HAUS6: variants seen among roughly 807,000 people sequenced by gnomAD.
HAUS6 encodes the protein HAUS augmin like complex subunit 6.
Under a neutral mutation model 106.8 loss-of-function variants are expected in HAUS6, and 80 were observed. The ratio of observed to expected loss-of-function variants is 0.75; its 90% CI spans 0.63 to 0.90. The LOEUF (loss-of-function observed/expected upper bound fraction) is 0.90, where lower values mean the gene tolerates loss of function less well. Ranked by LOEUF, HAUS6 falls within the 40% of genes least tolerant of loss-of-function variation. The pLI is 0.00. For missense variants in HAUS6, 1,155 were observed against 1,118.1 expected (o/e 1.03, Z -0.47); for synonymous variants, 356 against 379.1 (o/e 0.94, Z 0.71).
chr9:19,090,321 T>C (rs768866394), intron 4 of HAUS6, among the ~76,000 whole-genome samples: 1 of 152,186 alleles, frequency 6.6e-6, no homozygotes, highest in African/African-American at 2.4e-5. Flanking sequence ...TATTTATAGA[T>C]ACCTCAAATT....
chr9:19,075,148 T>A (rs1836966892), intron 11 of HAUS6, among the ~76,000 whole-genome samples: 1 of 152,326 alleles, frequency 6.6e-6, no homozygotes, highest in South Asian at 2.1e-4. Context: ...AAAGTCTATA[T>A]ATGATATGAT....
rs373655058 is a variant in HAUS6, at chr9:19,089,478, C to T, written c.518G>A (p.Arg173His). The T allele has an allele frequency of 1.7e-5, 27 of 1,611,354 alleles. No individual in the cohort carries two copies. The highest frequency in any genetic ancestry group is 1.0e-4 in the Admixed American group (6 of 59,976). ...HKCIARCHFA[R>H]SRFLQILQRQ... is the part of the protein sequence containing the mutation. ...TTGCAAAATTTGTAAAAATCTGCTACGTGCGAAATGGCATCTGGCAATGCA... is the reference window on the plus strand; with the variant it reads ...TTGCAAAATTTGTAAAAATCTGCTATGTGCGAAATGGCATCTGGCAATGCA... Residue 173 changes from arginine to histidine, a missense_variant, in exon 5 of 17, where the codon CGT becomes CAT. Coordinates refer to ENST00000380502, the MANE Select transcript of HAUS6 (RefSeq NM_017645.5).
At chr9:19,090,020 G>A (rs1817711587) in intron 4 of HAUS6, among the ~76,000 whole-genome samples, 1 of 151,468 alleles carries the variant, frequency 6.6e-6, no homozygotes, top group South Asian at 2.1e-4. Flanking sequence ...ATTATTTTTT[G>A]TAGAGACTGG....
Position 19,080,558 on chromosome 9 carries a change from T to C in HAUS6, c.985A>G (p.Arg329Gly), listed in dbSNP as rs1194266112. 6.2e-7 allele frequency: 1 copy of C among 1,606,408 alleles called. No homozygotes were observed. The highest frequency in any genetic ancestry group is 8.5e-7 in the Non-Finnish European group (1 of 1,174,244). The change falls in exon 9 of 17, where the codon AGA (arginine) becomes GGA (glycine). Residue 329 changes from arginine (R) to glycine (G), a missense_variant. Arg to Gly is a moderately radical substitution (Grantham distance 125). Around this residue, in one of 3 missense-constraint regions of HAUS6, gnomAD observed 761 missense variants for 690.0 expected, o/e 1.10. Coordinates refer to ENST00000380502, the MANE Select transcript of HAUS6 (RefSeq NM_017645.5). ...KYERCQADQA[R>G]LTVDLHYLEK... ...AGGTAGTGAAGGTCTACCGTCAATC[T>C]TGCTTGATCAGCCTGACAACGTTCA...
intron 10 of HAUS6, 137 bp from the exon 11 acceptor site, chr9:19,076,841 T>A (rs1402323609): frequency 1.7e-6 from 1 of 580,840 alleles, no homozygotes; most frequent in Non-Finnish European, 3.1e-6. Context: ...GATAACTATT[T>A]TTATTTATTT....
intron 12 of HAUS6, among the ~76,000 whole-genome samples, chr9:19,067,431 A>G (rs1836785809): frequency 6.6e-6 from 1 of 152,204 alleles, no homozygotes; most frequent in African/African-American, 2.4e-5. Context: ...AATCTTTTAT[A>G]TCCCATTAAC....
At chr9:19,097,305 G>T (rs1156250897) in intron 1 of HAUS6, among the ~76,000 whole-genome samples, 2 of 152,154 alleles carry the variant, frequency 1.3e-5, no homozygotes, top group African/African-American at 2.4e-5. Flanking sequence ...CCATCAGAGT[G>T]AACAGGCAAC....
At chr9:19,066,234 C>T (rs574986390) in intron 12 of HAUS6, among the ~76,000 whole-genome samples, 1 of 151,986 alleles carries the variant, frequency 6.6e-6, no homozygotes, top group African/African-American at 2.4e-5. Context: ...CCATGCCCAG[C>T]TAGAGCTAAA....
rs749728750 is a variant in HAUS6 at position 19,089,455 on chromosome 9, G to T, written c.541C>A (p.Gln181Lys). ...FARSRFLQIL[Q>K]RQDCVTQKYQ... The stretch of plus-strand genomic sequence containing the variant: ...TTTTGGGTAACACAATCTTGTCTTT[G>T]CAAAATTTGTAAAAATCTGCTACGT... Residue 181 changes from glutamine to lysine, a missense_variant, in exon 5 of 17, where the codon CAA (glutamine) becomes AAA (lysine). By Grantham distance (53) the Gln-to-Lys change is moderately conservative (BLOSUM62 1). Coordinates refer to ENST00000380502, the MANE Select transcript of HAUS6 (RefSeq NM_017645.5). 1.9e-6 allele frequency: 3 copies of T among 1,611,310 alleles called. No individual in the cohort carries two copies. The African/African-American group carries it at 4.0e-5, about 22-fold the overall frequency.
chr9:19,056,544 T>C lies in HAUS6; in HGVS notation c.2807-140A>G, dbSNP rs1030236077. 6.7e-6 allele frequency: 4 copies of C among 593,826 alleles called. No homozygotes were observed. In the African/African-American group the frequency reaches 7.4e-5, roughly 11 times the overall value. The allele number at this position is 593,826 out of a possible 1,614,324, so 36.8% of individuals were successfully genotyped here. ...CTTGATTATGATAAAATTATTATTA[T>C]TCTCACCAAAGTACCCTCTTTCTCC... is the stretch of plus-strand genomic sequence containing the variant. On this transcript the variant is annotated intron_variant, in intron 16 of 16. Transcript: ENST00000380502.
chr9:19,082,089 A>C (rs746109508), intron 8 of HAUS6, among the ~76,000 whole-genome samples: 52 of 152,362 alleles, frequency 3.4e-4, no homozygotes, highest in Non-Finnish European at 2.4e-4. Flanking sequence ...TGCTGAAGTC[A>C]TGAAATTGGT....
At chr9:19,077,295 G>C (rs1837030948) in intron 10 of HAUS6, among the ~76,000 whole-genome samples, 1 of 152,210 alleles carries the variant, frequency 6.6e-6, no homozygotes, top group Non-Finnish European at 1.5e-5. Context: ...AGCACTTTGG[G>C]AGGCAGAGGC....
chr9:19,068,096 C>A (rs942482644), intron 12 of HAUS6, among the ~76,000 whole-genome samples: 2 of 151,766 alleles, frequency 1.3e-5, no homozygotes, highest in African/African-American at 4.8e-5. Context: ...CAGCAAAACA[C>A]CTTAATCAAA....
At chr9:19,081,043 G>A (rs1209704545) in intron 8 of HAUS6, among the ~76,000 whole-genome samples, 1 of 151,880 alleles carries the variant, frequency 6.6e-6, no homozygotes, top group Admixed American at 6.6e-5. Context: ...TTGTACTCCA[G>A]CCTGGGCAAT....
chr9:19,091,012 C>A (rs964071762), intron 4 of HAUS6, among the ~76,000 whole-genome samples: 3 of 151,952 alleles, frequency 2.0e-5, no homozygotes, highest in African/African-American at 7.2e-5. Context: ...GAGAAACCAC[C>A]AGAATTGGCC....
chr9:19,070,011 T>C (rs1355798259), intron 12 of HAUS6, among the ~76,000 whole-genome samples: 1 of 152,108 alleles, frequency 6.6e-6, no homozygotes, highest in Admixed American at 6.6e-5. Flanking sequence ...TCTTCCCACC[T>C]CAGCCTCCCA....
At chr9:19,082,708 G>A (rs1045845685) in intron 8 of HAUS6, among the ~76,000 whole-genome samples, 165 bp downstream of exon 8, 6 of 151,626 alleles carry the variant, frequency 4.0e-5, no homozygotes, top group Admixed American at 1.3e-4. Flanking sequence ...ACCACGCCAC[G>A]CCATTGCACT....
At chr9:19,066,291 G>A (rs866633907) in intron 12 of HAUS6, among the ~76,000 whole-genome samples, 9 of 152,046 alleles carry the variant, frequency 5.9e-5, no homozygotes, top group East Asian at 1.9e-4. Context: ...TTGGCGGGGC[G>A]GGGGAGGGAG....
At chr9:19,074,174 G>A (rs1028873355) in intron 11 of HAUS6, among the ~76,000 whole-genome samples, 11 of 152,094 alleles carry the variant, frequency 7.2e-5, no homozygotes, top group African/African-American at 2.7e-4. Context: ...TTGAACCCGG[G>A]AGGCGAAGGT....
Sources: gnomAD v4.1 joint callset for allele counts (sites outside exome capture counted in the v4.1 genomes callset) on GRCh38, gnomAD v4.1.1 for gene constraint, gnomAD v4.1.1 regional missense constraint, MANE v1.5 for transcripts, NCBI Gene and HGNC (gene_info 2026-07-23, HGNC 2026-07-21) for gene names.